PPFIA2: variants seen among roughly 807,000 people sequenced by gnomAD.
The protein encoded by PPFIA2 is PPFI scaffold protein A2.
PPFIA2 carries 46 observed loss-of-function variants against 175.5 expected under a neutral mutation model. The observed-to-expected ratio is 0.26, with a 90% confidence interval of 0.21 to 0.34. The LOEUF is 0.34. Among genes scored for constraint, PPFIA2 ranks in the 10% least tolerant of loss-of-function variants. The pLI is 1.00. For missense variants in PPFIA2, 1,179 were observed against 1,506.1 expected, an observed-to-expected ratio of 0.78 and a Z score of 3.60; for synonymous variants, 568 against 511.4, an observed-to-expected ratio of 1.11 and a Z score of -1.49.
At chr12:81,756,512 T>C (rs1020344071) in intron 2 of PPFIA2, among the ~76,000 whole-genome samples, 1 of 152,108 alleles carries the variant, frequency 6.6e-6, no homozygotes, top group East Asian at 1.9e-4. Flanking sequence ...AAAGATGCTA[T>C]GATGAAAAGT....
chr12:81,300,438 G>A (rs890351580), intron 22 of PPFIA2, among the ~76,000 whole-genome samples: 2 of 152,074 alleles, frequency 1.3e-5, no homozygotes, highest in African/African-American at 4.8e-5. Context: ...ATTAGTTACT[G>A]TGGTAGACTA....
At chr12:81,344,570 T>C in intron 19 of PPFIA2, 94 bp downstream of exon 19, 1 of 887,740 alleles carries the variant, frequency 1.1e-6, no homozygotes, top group African/African-American at 1.7e-5. Context: ...TTTTAATGTT[T>C]TATCAACATT....
rs151062663 is a variant in PPFIA2 at position 81,737,833 on chromosome 12, G to A, written c.249+16140C>T. 5.1e-3 allele frequency among the ~76,000 whole-genome samples: 777 copies of A among 151,920 alleles called. 10 individuals carry two copies. The highest frequency in any genetic ancestry group is 0.017 in the African/African-American group (708 of 41,454). ...TCCAAATGAATCACAGAGCAATAAG[G>A]GGATGGAAAATATAGAAGAAAGAGT... On this transcript the variant is annotated intron_variant, in intron 3 of 32. Transcript: ENST00000549396.
At chr12:81,461,656 G>A (rs911950535) in intron 4 of PPFIA2, among the ~76,000 whole-genome samples, 1 of 151,954 alleles carries the variant, frequency 6.6e-6, no homozygotes, top group African/African-American at 2.4e-5. Context: ...GAAGTCATAT[G>A]TCCCTCAAAA....
At chr12:81,470,989 A>C (rs1230632643) in intron 4 of PPFIA2, among the ~76,000 whole-genome samples, 3 of 152,200 alleles carry the variant, frequency 2.0e-5, no homozygotes, top group Non-Finnish European at 4.4e-5. Flanking sequence ...CACATATGTG[A>C]GGAATCATGC....
At chr12:81,409,902 C>A (rs1192433044) in intron 7 of PPFIA2, among the ~76,000 whole-genome samples, 2 of 152,082 alleles carry the variant, frequency 1.3e-5, no homozygotes, top group Admixed American at 1.3e-4. Flanking sequence ...ATGGGGACAA[C>A]TGCTATGGTT....
chr12:81,385,077 T>C (rs1595893004), intron 8 of PPFIA2, among the ~76,000 whole-genome samples: 1 of 151,988 alleles, frequency 6.6e-6, no homozygotes. Flanking sequence ...AAAGAAGACA[T>C]ACAGATGACC....
At chr12:81,579,320 C>T (rs968650257) in intron 4 of PPFIA2, among the ~76,000 whole-genome samples, 1 of 151,834 alleles carries the variant, frequency 6.6e-6, no homozygotes, top group East Asian at 1.9e-4. Context: ...TTTAATCAAG[C>T]TCTAATTTGA....
At chr12:81,752,427 A>T (rs1043897150) in intron 3 of PPFIA2, among the ~76,000 whole-genome samples, 1 of 152,228 alleles carries the variant, frequency 6.6e-6, no homozygotes, top group Non-Finnish European at 1.5e-5. Flanking sequence ...TCCTTAAAAA[A>T]TATAATATTT....
At chr12:81,385,498 T>C (rs753586601) in intron 8 of PPFIA2, among the ~76,000 whole-genome samples, 100 of 152,260 alleles carry the variant, frequency 6.6e-4, no homozygotes, top group Admixed American at 1.8e-3. Context: ...GAGTGTGGCA[T>C]ACATACACAA....
intron 18 of PPFIA2, among the ~76,000 whole-genome samples, chr12:81,346,316 G>A (rs2059060865): frequency 6.6e-6 from 1 of 151,862 alleles, no homozygotes; most frequent in Non-Finnish European, 1.5e-5. Context: ...TAGCTGTGTT[G>A]AATATGGGCA....
In PPFIA2 at chr12:81,414,005, C is replaced by T. The variant is rs1234668285; in HGVS notation, c.646-8102G>A. 2.6e-5 allele frequency among the ~76,000 whole-genome samples: 4 copies of T among 151,674 alleles called. No individual in the cohort carries two copies. In the East Asian group the frequency reaches 7.7e-4, roughly 29 times the overall value. ...GCCCCATATGAAATAAAACAATTTA[C>T]ATACATTACCTCATTTAATCTTTCC... On this transcript the variant is annotated intron_variant, in intron 7 of 32. Coordinates refer to ENST00000549396, the MANE Select transcript of PPFIA2 (RefSeq NM_003625.5).
At chr12:81,607,872 A>G (rs1050407532) in intron 4 of PPFIA2, among the ~76,000 whole-genome samples, 3 of 152,018 alleles carry the variant, frequency 2.0e-5, no homozygotes, top group African/African-American at 2.4e-5. Flanking sequence ...GTCTGGTTCC[A>G]TTTCTCAAGG....
At chr12:81,495,355 A>G (rs1179396249) in intron 4 of PPFIA2, among the ~76,000 whole-genome samples, 1 of 152,132 alleles carries the variant, frequency 6.6e-6, no homozygotes, top group Admixed American at 6.6e-5. Context: ...TAAAAAAAAC[A>G]TAAATTCTTC....
chr12:81,470,728 TC>T (rs1314169296), intron 4 of PPFIA2, among the ~76,000 whole-genome samples: 1 of 152,222 alleles, frequency 6.6e-6, no homozygotes, highest in Non-Finnish European at 1.5e-5. Context: ...TTGTTTTATT[TC>T]ATATCGTTTT....
chr12:81,661,640 T>C (rs372680741), intron 4 of PPFIA2, among the ~76,000 whole-genome samples: 1 of 152,070 alleles, frequency 6.6e-6, no homozygotes, highest in African/African-American at 2.4e-5. Context: ...GACAGATCAA[T>C]GAGACAGAAA....
intron 4 of PPFIA2, among the ~76,000 whole-genome samples, chr12:81,647,457 T>C (rs1430140962): frequency 6.6e-6 from 1 of 151,912 alleles, no homozygotes; most frequent in Non-Finnish European, 1.5e-5. Flanking sequence ...AAAATCGTAG[T>C]AAAATTATTA....
chr12:81,624,012 T>C (rs1350072324), intron 4 of PPFIA2, among the ~76,000 whole-genome samples: 1 of 151,938 alleles, frequency 6.6e-6, no homozygotes, highest in Non-Finnish European at 1.5e-5. Flanking sequence ...TTGCAATTAA[T>C]CTGTCTTTCC....
chr12:81,754,911 A>G (rs1419683948), intron 2 of PPFIA2, among the ~76,000 whole-genome samples: 4 of 152,210 alleles, frequency 2.6e-5, no homozygotes, highest in Non-Finnish European at 5.9e-5. Context: ...CCCAGAGCAG[A>G]TAAGTGATAC....
Sources: allele counts gnomAD v4.1 joint callset (sites outside exome capture counted in the v4.1 genomes callset), GRCh38; gene constraint gnomAD v4.1.1; transcripts MANE v1.5; gene names NCBI Gene and HGNC (gene_info 2026-07-23, HGNC 2026-07-21).